The following CREBRF variants were observed in gnomAD, a reference collection of about 807,000 sequenced individuals.
CREBRF encodes the protein CREB3 regulatory factor, also known as UPF0474 protein C5orf41.
Under a neutral mutation model 66.1 loss-of-function variants are expected in CREBRF, and 5 were observed. That is an observed-to-expected ratio of 0.08 (90% CI 0.04 to 0.16). The LOEUF (loss-of-function observed/expected upper bound fraction) is 0.16, where lower values mean the gene tolerates loss of function less well. Among genes scored for constraint, CREBRF ranks in the 10% least tolerant of loss-of-function variants. The probability of loss-of-function intolerance (pLI) is 1.00; values close to 1 mark genes in which losing one functional copy is unlikely to be tolerated. For synonymous variants in CREBRF, 229 were observed against 264.4 expected, an observed-to-expected ratio of 0.87 and a Z score of 1.30; for missense variants, 531 against 744.9, an observed-to-expected ratio of 0.71 and a Z score of 3.34.
intron 1 of CREBRF, among the ~76,000 whole-genome samples, chr5:173,064,140 G>A (rs1462996682): frequency 6.6e-6 from 1 of 152,026 alleles, no homozygotes; most frequent in Non-Finnish European, 1.5e-5. Context: ...TTTGTCCTGA[G>A]GGTTTGAGGT....
intron 7 of CREBRF, among the ~76,000 whole-genome samples, chr5:173,121,182 T>A (rs570907649): frequency 6.6e-6 from 1 of 152,312 alleles, no homozygotes; most frequent in South Asian, 2.1e-4. Context: ...TCATGATGGA[T>A]CTACCTGGGT....
rs1561588840 is a variant in CREBRF, at chr5:173,138,756, C to T, written c.*5011C>T. On this transcript the variant is annotated 3_prime_UTR_variant, in exon 9 of 9. Transcript: ENST00000296953. ...AGAAATGTGTATGTGTGTACTGTAT[C>T]TGCCTTTCCACCACATTTTTATGAC... The T allele has an allele frequency of 6.6e-6, 1 of 152,124 alleles. No homozygotes were observed. The highest frequency in any genetic ancestry group is 6.5e-5 in the Admixed American group (1 of 15,274). 9.4% of individuals were successfully genotyped at this position (152,124 alleles called of 1,614,324 possible). A position where few individuals can be genotyped will look rare whatever the true frequency, so the allele number is the denominator to read the frequency against.
At chr5:173,073,766 G>T (rs1723819439) in intron 1 of CREBRF, among the ~76,000 whole-genome samples, 1 of 152,116 alleles carries the variant, frequency 6.6e-6, no homozygotes, top group South Asian at 2.1e-4. Context: ...AGGAGATCGA[G>T]ACCATCCTGG....
chr5:173,084,243 A>G (rs1294110730), intron 2 of CREBRF, among the ~76,000 whole-genome samples: 1 of 152,158 alleles, frequency 6.6e-6, no homozygotes, highest in East Asian at 1.9e-4. Context: ...CTTAAGGGCT[A>G]TCTACTGGTT....
intron 4 of CREBRF, among the ~76,000 whole-genome samples, chr5:173,102,466 C>T (rs1226305134): frequency 6.6e-6 from 1 of 151,972 alleles, no homozygotes; most frequent in Non-Finnish European, 1.5e-5. Flanking sequence ...GGTAGGCTGG[C>T]CTATTGCTGG....
chr5:173,085,478 G>A (rs1160468925), intron 2 of CREBRF: 13 of 596,588 alleles, frequency 2.2e-5, no homozygotes, highest in South Asian at 1.4e-4. Context: ...GTGCAATGGC[G>A]AGATCTCAGC....
At chr5:173,124,586 G>C (rs998427658) in intron 8 of CREBRF, 1 of 144,194 alleles carries the variant, frequency 6.9e-6, no homozygotes, top group Non-Finnish European at 1.5e-5. Flanking sequence ...AAAGAAAAAA[G>C]AAAAGCCAAT....
At chr5:173,058,786 CT>C (rs70984932) in intron 1 of CREBRF, among the ~76,000 whole-genome samples, 17,650 of 63,472 alleles carry the variant, frequency 0.28, 2,556 homozygotes, top group Non-Finnish European at 0.36. Context: ...CGCCCAGCCT[CT>C]TTTTTTTTTT....
Position 173,110,526 on chromosome 5 carries a change from A to C in CREBRF, c.1422A>C (p.Lys474Asn). ...MYQKNGLHHG[K>N]YAVKKSRRTD... is the part of the protein sequence containing the mutation. ...CTTCTTTTAAACTGTTTATAGGAAA[A>C]TATGCAGTAAAGAAGTCACGGAGAA... Residue 474 changes from lysine to asparagine, a missense_variant, in exon 6 of 9, where the codon AAA becomes AAC. Physicochemically the swap from Lys to Asn is moderately conservative, Grantham distance 94. This residue lies in a region of CREBRF where 309 missense variants were observed against 341.4 expected (regional missense o/e 0.90). Coordinates refer to ENST00000296953, the MANE Select transcript of CREBRF (RefSeq NM_153607.3). 1 of 1,610,788 alleles carries C rather than the reference A, an allele frequency of 6.2e-7. No individual in the cohort carries two copies. The highest frequency in any genetic ancestry group is 8.5e-7 in the Non-Finnish European group (1 of 1,177,012).
At chr5:173,087,858 C>G (rs999756070) in intron 3 of CREBRF, among the ~76,000 whole-genome samples, 4 of 152,242 alleles carry the variant, frequency 2.6e-5, no homozygotes, top group African/African-American at 7.2e-5. Context: ...GAGTCTCGCT[C>G]TGTAGCCCAG....
intron 2 of CREBRF, among the ~76,000 whole-genome samples, chr5:173,082,007 T>TG: frequency 2.3e-5 from 1 of 44,096 alleles, no homozygotes; most frequent in African/African-American, 6.8e-5. Flanking sequence ...GGTTTAGTTT[T>TG]TTTTTTTTTT....
intron 7 of CREBRF, among the ~76,000 whole-genome samples, chr5:173,120,156 A>T (rs753562573): frequency 1.3e-5 from 2 of 152,022 alleles, no homozygotes; most frequent in Admixed American, 1.3e-4. Flanking sequence ...CCAGGGCTAT[A>T]CTGGCCTTAT....
intron 7 of CREBRF, among the ~76,000 whole-genome samples, chr5:173,119,620 T>A (rs1172242225): frequency 6.6e-6 from 1 of 152,184 alleles, no homozygotes; most frequent in Non-Finnish European, 1.5e-5. Flanking sequence ...TCTTTATGGC[T>A]TTTGTTTTTC....
intron 5 of CREBRF, chr5:173,110,151 A>G (rs1256925325): frequency 3.5e-6 from 1 of 286,528 alleles, no homozygotes; most frequent in Non-Finnish European, 6.9e-6. Flanking sequence ...TCTTCCGACT[A>G]TGTATTATAC....
Position 173,076,597 on chromosome 5 carries a change from A to G in CREBRF, c.-191-3988A>G, listed in dbSNP as rs549822167. 1.1e-4 allele frequency among the ~76,000 whole-genome samples: 17 copies of G among 151,934 alleles called. No homozygotes were observed. The South Asian group carries it at 3.3e-3, about 30-fold the overall frequency. On this transcript the variant is annotated intron_variant, in intron 1 of 8. Transcript: ENST00000296953. ...GAAAACCGGTCTTTACTAAAAATAC[A>G]AAAAAATTAGCCAGGCGTGGTGGTG... is the stretch of plus-strand genomic sequence containing the variant.
chr5:173,137,428 C>T lies in CREBRF; in HGVS notation c.*3683C>T, dbSNP rs1421107957. On this transcript the variant is annotated 3_prime_UTR_variant, in exon 9 of 9. Transcript: ENST00000296953. ...GGAAAGATTAGCAGTAATTTCACTACATCCCTTTTCTCTGACTTTCATGCA... is the reference window on the plus strand; with the variant it reads ...GGAAAGATTAGCAGTAATTTCACTATATCCCTTTTCTCTGACTTTCATGCA... 1 of 152,064 alleles carries T rather than the reference C, an allele frequency of 6.6e-6. No individual in the cohort carries two copies. The highest frequency in any genetic ancestry group is 1.5e-5 in the Non-Finnish European group (1 of 67,938). 9.4% of individuals were successfully genotyped at this position (152,064 alleles called of 1,614,324 possible).
intron 1 of CREBRF, among the ~76,000 whole-genome samples, chr5:173,066,963 A>T (rs1031956068): frequency 6.6e-6 from 1 of 151,794 alleles, no homozygotes; most frequent in African/African-American, 2.4e-5. Flanking sequence ...TACAGGTGCC[A>T]TCATCATGCC....
chr5:173,134,327 A>T lies in CREBRF; in HGVS notation c.*582A>T. ...ACAAATGTCTGTGCAAGTAAGAAAA[A>T]AAAAGCATATTCTTTGTGCCTTGTA... On this transcript the variant is annotated 3_prime_UTR_variant, in exon 9 of 9. Transcript: ENST00000296953. 1 of 241,320 alleles carries T rather than the reference A, an allele frequency of 4.1e-6. No individual in the cohort carries two copies. Among genetic ancestry groups the T allele is most frequent in the Non-Finnish European group, 8.2e-6 (1 of 121,358 alleles). The allele number at this position is 241,320 out of a possible 1,614,324, so 14.9% of individuals were successfully genotyped here.
At chr5:173,098,189 CTTTTTT>C (rs1272404813) in intron 4 of CREBRF, among the ~76,000 whole-genome samples, 2 of 140,042 alleles carry the variant, frequency 1.4e-5, no homozygotes, top group African/African-American at 5.2e-5. Context: ...AATTTTCCTT[CTTTTTT>C]TTTTTTTTTT....
Sources: allele counts gnomAD v4.1 joint callset (sites outside exome capture counted in the v4.1 genomes callset), GRCh38; gene constraint gnomAD v4.1.1; regional missense constraint gnomAD v4.1.1; transcripts MANE v1.5; gene names NCBI Gene and HGNC (gene_info 2026-07-23, HGNC 2026-07-21).